AGAP1: variants seen among roughly 807,000 people sequenced by gnomAD.
AGAP1 encodes arf-GAP with GTPase, ANK repeat and PH domain-containing protein 1.
Under a neutral mutation model 105.3 loss-of-function variants are expected in AGAP1, and 29 were observed. That is an observed-to-expected ratio of 0.28 (90% CI 0.21 to 0.38). The LOEUF is 0.38. AGAP1 is among the 10% of genes least tolerant of loss of function. AGAP1 has a pLI of 1.00. For synonymous variants in AGAP1, 509 were observed against 485.9 expected, an observed-to-expected ratio of 1.05 and a Z score of -0.63; for missense variants, 998 against 1,165.1, an observed-to-expected ratio of 0.86 and a Z score of 2.09.
chr2:236,057,616 G>A (rs1336327639), intron 16 of AGAP1, among the ~76,000 whole-genome samples: 3 of 151,730 alleles, frequency 2.0e-5, no homozygotes, highest in East Asian at 1.9e-4. Flanking sequence ...CCAACACTGC[G>A]TTTTGGGAAT....
intron 6 of AGAP1, among the ~76,000 whole-genome samples, chr2:235,770,060 A>G (rs1427346744): frequency 2.0e-5 from 3 of 152,346 alleles, no homozygotes; most frequent in Admixed American, 2.0e-4. Flanking sequence ...GACAGCAAGT[A>G]AAAATCACCT....
chr2:235,744,988 C>T lies in AGAP1; in HGVS notation c.538+149C>T. ...GGAAAAATTATGGAACTGAAATGAT[C>T]ACATTTCCTGATTTGATTCTATGGT... On this transcript the variant is annotated intron_variant, in intron 5 of 17. Transcript: ENST00000304032. This position sits in a 1 kb window ranked among gnomAD's most constrained non-coding sequence, Gnocchi z 5.2. 1 of 933,228 alleles carries T rather than the reference C, an allele frequency of 1.1e-6. No individual in the cohort carries two copies. Among genetic ancestry groups the T allele is most frequent in the Non-Finnish European group, 1.6e-6 (1 of 641,596 alleles). The allele number at this position is 933,228 out of a possible 1,614,324, so 57.8% of individuals were successfully genotyped here.
Position 236,078,035 on chromosome 2 carries a change from A to ATT in AGAP1, c.2114+28756_2114+28757dup, listed in dbSNP as rs1553564109. Among the ~76,000 whole-genome samples, 1 of 100,384 alleles carries ATT rather than the reference A, an allele frequency of 1.0e-5. No individual in the cohort carries two copies. The highest frequency in any genetic ancestry group is 1.1e-4 in the Admixed American group (1 of 9,314). 65.9% of individuals were successfully genotyped at this position (100,384 alleles called of 152,430 possible). Reference sequence around the variant, plus strand: ...TCAGGGTTCTCCAGAGAAACAACCAATTTGTGTGTGTGTGTGTGTGTGTGT... The same window carrying ATT: ...TCAGGGTTCTCCAGAGAAACAACCAATTTTTGTGTGTGTGTGTGTGTGTGTGT... On this transcript the variant is annotated intron_variant, in intron 16 of 17. Coordinates refer to ENST00000304032, the MANE Select transcript of AGAP1 (RefSeq NM_001037131.3). This position sits in a 1 kb window ranked among gnomAD's most constrained non-coding sequence, Gnocchi z 5.3.
chr2:235,571,884 C>T (rs1477475281), intron 1 of AGAP1, among the ~76,000 whole-genome samples: 1 of 150,372 alleles, frequency 6.7e-6, no homozygotes, highest in Admixed American at 6.6e-5. Context: ...AGGCGTTTGC[C>T]ACCACATCCA....
rs112853395 is a variant in AGAP1, at chr2:235,660,606, C to G, written c.164-48573C>G. ...GAAAGAGCTTGGGGACTCCTGAGTC[C>G]AGCTCCCAGTGATGTGTAGAGTTGA... On this transcript the variant is annotated intron_variant, in intron 1 of 17. Transcript: ENST00000304032. This position sits in a 1 kb window ranked among gnomAD's most constrained non-coding sequence, Gnocchi z 5.3. Among the ~76,000 whole-genome samples, 3,780 of 152,048 alleles carry G rather than the reference C, an allele frequency of 0.025. 168 individuals carry two copies. Among genetic ancestry groups the G allele is most frequent in the African/African-American group, 0.083 (3,444 of 41,438 alleles).
At chr2:235,583,553 A>ATTTT (rs763297542) in intron 1 of AGAP1, among the ~76,000 whole-genome samples, 3 of 128,466 alleles carry the variant, frequency 2.3e-5, no homozygotes, top group Admixed American at 7.9e-5. Context: ...TACCTGGCTA[A>ATTTT]TTTTTTTTTT....
chr2:235,624,596 C>A (rs151077725), intron 1 of AGAP1, among the ~76,000 whole-genome samples: 67 of 152,184 alleles, frequency 4.4e-4, no homozygotes, highest in African/African-American at 1.6e-3. Context: ...AGTGTATGTG[C>A]GTGTGTGCTG....
rs1951103406 is a variant in AGAP1, at chr2:235,716,338, C to T, written c.223-1219C>T. Among the ~76,000 whole-genome samples the T allele has an allele frequency of 6.6e-6, 1 of 152,130 alleles. No homozygotes were observed. The highest frequency in any genetic ancestry group is 6.5e-5 in the Admixed American group (1 of 15,282). On this transcript the variant is annotated intron_variant, in intron 2 of 17. Transcript: ENST00000304032. This position sits in a 1 kb window ranked among gnomAD's most constrained non-coding sequence, Gnocchi z 4.0. ...GAGTTGGAAGAGAGTGTCTTAACAG[C>T]AGCTGCTGGTGATGGGGCCAGGTCA...
chr2:235,780,727 T>C (rs751840987), intron 6 of AGAP1, among the ~76,000 whole-genome samples: 2 of 152,192 alleles, frequency 1.3e-5, no homozygotes, highest in African/African-American at 2.4e-5. Context: ...AAAAATTACT[T>C]CAAGTAAAGG....
At position 236,047,598 on chromosome 2, in the gene AGAP1, C is replaced by CTTTT. The variant is rs59007077; in HGVS notation, c.1892-1442_1892-1439dup. ...GTCACAGACCTCTCTTCTCACATTT[C>CTTTT]TTTTTTTTTTTTTTTTTTTTTTGAG... is the stretch of plus-strand genomic sequence containing the variant. On this transcript the variant is annotated intron_variant, in intron 15 of 17. Transcript: ENST00000304032. Among the ~76,000 whole-genome samples the CTTTT allele has an allele frequency of 6.8e-3, 464 of 68,280 alleles. 27 individuals carry two copies. The highest frequency in any genetic ancestry group is 0.027 in the African/African-American group (377 of 14,156). The allele number at this position is 68,280 out of a possible 152,430, so 44.8% of individuals were successfully genotyped here.
intron 1 of AGAP1, among the ~76,000 whole-genome samples, chr2:235,585,037 G>C (rs1318832852): frequency 1.3e-5 from 2 of 150,610 alleles, no homozygotes; most frequent in South Asian, 2.1e-4. Flanking sequence ...CTGACTCTCT[G>C]AGAGAGACTC....
At chr2:235,529,781 G>A (rs917843801) in intron 1 of AGAP1, among the ~76,000 whole-genome samples, 5 of 152,210 alleles carry the variant, frequency 3.3e-5, no homozygotes, top group African/African-American at 9.7e-5. Context: ...AGTGAAGCTG[G>A]GTGGGCAGAA....
At chr2:235,634,784 A>G (rs1278743178) in intron 1 of AGAP1, among the ~76,000 whole-genome samples, 1 of 152,188 alleles carries the variant, frequency 6.6e-6, no homozygotes, top group Non-Finnish European at 1.5e-5. Flanking sequence ...AAATAAAACC[A>G]TCTTTTCAAA....
Position 236,045,269 on chromosome 2 carries a change from C to T in AGAP1, c.1892-3790C>T, listed in dbSNP as rs2057683655. 1.3e-5 allele frequency among the ~76,000 whole-genome samples: 2 copies of T among 152,274 alleles called. No homozygotes were observed. The highest frequency in any genetic ancestry group is 6.5e-5 in the Admixed American group (1 of 15,302). On this transcript the variant is annotated intron_variant, in intron 15 of 17. Transcript: ENST00000304032. The surrounding 1 kb of genome is among the most constrained non-coding windows in gnomAD (Gnocchi z 6.9). Reference sequence around the variant, plus strand: ...CTGTCCTCATAGAATCTACGTCCTGCATTTCTGTGGGCAGGGATTTTTCTC... The same window carrying T: ...CTGTCCTCATAGAATCTACGTCCTGTATTTCTGTGGGCAGGGATTTTTCTC...
intron 16 of AGAP1, among the ~76,000 whole-genome samples, chr2:236,097,749 C>T (rs1347966543): frequency 3.9e-5 from 6 of 152,220 alleles, no homozygotes; most frequent in Admixed American, 2.6e-4. Flanking sequence ...TGCTGCGCAA[C>T]CATCACGACC....
At chr2:235,527,536 A>T (rs1467539707) in intron 1 of AGAP1, among the ~76,000 whole-genome samples, 2 of 152,020 alleles carry the variant, frequency 1.3e-5, no homozygotes, top group Non-Finnish European at 1.5e-5. Flanking sequence ...ATGCCTGGCC[A>T]ATTTTTATTT....
intron 12 of AGAP1, among the ~76,000 whole-genome samples, chr2:235,968,167 T>A (rs2054484504): frequency 6.6e-6 from 1 of 152,210 alleles, no homozygotes; most frequent in Non-Finnish European, 1.5e-5. Flanking sequence ...CCCTTTCCTT[T>A]TGCAGAGCTC....
chr2:235,773,263 G>C (rs558775715), intron 6 of AGAP1, among the ~76,000 whole-genome samples: 27 of 152,136 alleles, frequency 1.8e-4, no homozygotes, highest in Admixed American at 4.6e-4. Flanking sequence ...CCCCCAGTCA[G>C]TCTGATTTGT....
At chr2:235,735,518 T>A (rs1343635087) in intron 3 of AGAP1, among the ~76,000 whole-genome samples, 1 of 152,272 alleles carries the variant, frequency 6.6e-6, no homozygotes, top group East Asian at 1.9e-4. Flanking sequence ...GGCTCTCACA[T>A]TGTGAGACAG....
Sources: gnomAD v4.1 joint callset for allele counts (sites outside exome capture counted in the v4.1 genomes callset) on GRCh38, gnomAD v4.1.1 for gene constraint, Gnocchi (gnomAD v3.1) non-coding constraint, MANE v1.5 for transcripts, NCBI Gene and HGNC (gene_info 2026-07-23, HGNC 2026-07-21) for gene names.